The following BBX variants were observed in gnomAD, a reference collection of about 807,000 sequenced individuals.
BBX encodes HMG box transcription factor BBX.
In BBX, 30 loss-of-function variants were observed where a neutral mutation model predicts 100.2. The ratio of observed to expected loss-of-function variants is 0.30; its 90% CI spans 0.22 to 0.41. The LOEUF is 0.41. Among genes scored for constraint, BBX ranks in the 10% least tolerant of loss-of-function variants. The pLI is 1.00. For synonymous variants in BBX, 376 were observed against 388.1 expected (o/e 0.97, Z 0.37); for missense variants, 1,023 against 1,129.8 (o/e 0.91, Z 1.35).
At chr3:107,733,714 C>A (rs937226032) in intron 7 of BBX, among the ~76,000 whole-genome samples, 1 of 152,066 alleles carries the variant, frequency 6.6e-6, no homozygotes, top group Non-Finnish European at 1.5e-5. Context: ...AGGGCTCAAG[C>A]GTCTTAGCCT....
At chr3:107,689,670 T>C (rs1185056496) in intron 3 of BBX, among the ~76,000 whole-genome samples, 1 of 152,182 alleles carries the variant, frequency 6.6e-6, no homozygotes, top group Non-Finnish European at 1.5e-5. Context: ...GTTAAGTCTA[T>C]ATGGAGGAGT....
At chr3:107,781,915 C>A (rs2067932226) in intron 13 of BBX, among the ~76,000 whole-genome samples, 1 of 152,070 alleles carries the variant, frequency 6.6e-6, no homozygotes, top group South Asian at 2.1e-4. Context: ...AGCAGGTTTA[C>A]AAGATTGAAA....
intron 3 of BBX, among the ~76,000 whole-genome samples, chr3:107,704,694 C>T (rs184840735): frequency 3.9e-4 from 59 of 152,262 alleles, no homozygotes; most frequent in Non-Finnish European, 7.5e-4. Flanking sequence ...GAGGGCAGAT[C>T]CCCCATGACT....
intron 15 of BBX, among the ~76,000 whole-genome samples, chr3:107,797,820 T>C (rs1207445348): frequency 1.3e-5 from 2 of 152,154 alleles, no homozygotes; most frequent in Non-Finnish European, 2.9e-5. Context: ...AAATGATTCA[T>C]TGGGGTTACA....
At chr3:107,573,418 C>T (rs1247911374) in intron 2 of BBX, among the ~76,000 whole-genome samples, 1 of 151,994 alleles carries the variant, frequency 6.6e-6, no homozygotes, top group East Asian at 1.9e-4. Flanking sequence ...ATTAGCCGGG[C>T]TTGGCGGGCA....
rs61052911 is a variant in BBX at position 107,748,297 on chromosome 3, T to C, written c.825+258T>C. ...AATACCAGTAATGTGTTTATTTCAT[T>C]TTATCTTGTTTTTAATTTATTTTAA... On this transcript the variant is annotated intron_variant, in intron 9 of 17. Transcript: ENST00000325805. Among the ~76,000 whole-genome samples, 4 of 152,326 alleles carry C rather than the reference T, an allele frequency of 2.6e-5. No homozygotes were observed. The East Asian group carries it at 5.8e-4, about 22-fold the overall frequency.
chr3:107,794,899 C>T (rs1227821854), intron 15 of BBX, among the ~76,000 whole-genome samples: 6 of 152,272 alleles, frequency 3.9e-5, no homozygotes, highest in Non-Finnish European at 5.9e-5. Flanking sequence ...GAAAACAAGA[C>T]GGTCTCTTAT....
chr3:107,549,691 G>A (rs2049515314), intron 2 of BBX, among the ~76,000 whole-genome samples: 1 of 152,140 alleles, frequency 6.6e-6, no homozygotes, highest in Admixed American at 6.5e-5. Flanking sequence ...TACTCTGGAT[G>A]GCTTTCTCCA....
chr3:107,802,521 C>T (rs1228372980), intron 17 of BBX, among the ~76,000 whole-genome samples: 5 of 152,196 alleles, frequency 3.3e-5, no homozygotes, highest in Non-Finnish European at 7.3e-5. Context: ...AGCACATACA[C>T]GTGCAGTGAG....
At chr3:107,541,174 T>C (rs1037364092) in intron 2 of BBX, among the ~76,000 whole-genome samples, 1 of 152,174 alleles carries the variant, frequency 6.6e-6, no homozygotes, top group African/African-American at 2.4e-5. Flanking sequence ...CTTATTCCCA[T>C]TTTACAGATG....
chr3:107,613,947 T>TG (rs1386077863), intron 2 of BBX, among the ~76,000 whole-genome samples: 4 of 114,310 alleles, frequency 3.5e-5, no homozygotes, highest in Non-Finnish European at 5.1e-5. Flanking sequence ...CATGGTTTTT[T>TG]TTTTTTTTTT....
At chr3:107,540,463 G>A (rs987243291) in intron 2 of BBX, among the ~76,000 whole-genome samples, 1 of 152,136 alleles carries the variant, frequency 6.6e-6, no homozygotes, top group African/African-American at 2.4e-5. Flanking sequence ...TATGTACTGG[G>A]TGTAGGAGGC....
In BBX at chr3:107,679,605, A is replaced by G. The variant is rs548001468; in HGVS notation, c.-9-30847A>G. Among the ~76,000 whole-genome samples the G allele has an allele frequency of 3.2e-4, 48 of 152,300 alleles. 1 individual carries two copies. The South Asian group carries it at 9.5e-3, about 30-fold the overall frequency. On this transcript the variant is annotated intron_variant, in intron 3 of 17. Coordinates refer to ENST00000325805, the MANE Select transcript of BBX (RefSeq NM_001142568.3). ...GTGGCTAGCAACATTGAAAAGATCC[A>G]TCCCAGAAACAACAGGATTCTGTTA...
chr3:107,714,986 A>G (rs947690903), intron 4 of BBX, among the ~76,000 whole-genome samples: 1 of 151,960 alleles, frequency 6.6e-6, no homozygotes, highest in Non-Finnish European at 1.5e-5. Flanking sequence ...GGGCTTCACC[A>G]TGTTCACCAG....
At chr3:107,681,426 A>G (rs1414535804) in intron 3 of BBX, among the ~76,000 whole-genome samples, 1 of 152,112 alleles carries the variant, frequency 6.6e-6, no homozygotes, top group Non-Finnish European at 1.5e-5. Context: ...TCAACTAGGG[A>G]TCCCACAACC....
chr3:107,570,316 C>A (rs1285481328), intron 2 of BBX, among the ~76,000 whole-genome samples: 1 of 151,948 alleles, frequency 6.6e-6, no homozygotes, highest in Admixed American at 6.6e-5. Context: ...GTTTGAGGGC[C>A]GGAATCTAAT....
intron 3 of BBX, among the ~76,000 whole-genome samples, chr3:107,685,902 A>G (rs1346797995): frequency 6.6e-6 from 1 of 152,226 alleles, no homozygotes; most frequent in Admixed American, 6.5e-5. Flanking sequence ...TGTTCTCAAA[A>G]TAGATCACTT....
At chr3:107,705,804 A>G (rs897537478) in intron 3 of BBX, among the ~76,000 whole-genome samples, 1 of 152,198 alleles carries the variant, frequency 6.6e-6, no homozygotes, top group Non-Finnish European at 1.5e-5. Context: ...TAGTTTTAAC[A>G]TGAGGAAAGA....
chr3:107,689,885 T>C (rs1253150686), intron 3 of BBX, among the ~76,000 whole-genome samples: 3 of 152,216 alleles, frequency 2.0e-5, no homozygotes, highest in African/African-American at 7.2e-5. Context: ...GTTCCTAGTT[T>C]GCTTCTTAAT....
Sources: allele counts gnomAD v4.1 joint callset (sites outside exome capture counted in the v4.1 genomes callset), GRCh38; gene constraint gnomAD v4.1.1; transcripts MANE v1.5; gene names NCBI Gene and HGNC (gene_info 2026-07-23, HGNC 2026-07-21).